Variants in CDC14A observed in about 807,000 individuals in gnomAD.
The protein encoded by CDC14A is dual specificity protein phosphatase CDC14A.
A neutral mutation model predicts 74.4 loss-of-function variants in CDC14A; 53 were observed. That is an observed-to-expected ratio of 0.71 (90% CI 0.57 to 0.89). The LOEUF (loss-of-function observed/expected upper bound fraction) is 0.89. CDC14A is among the 40% of genes least tolerant of loss of function. The pLI is 0.00. For synonymous variants in CDC14A, 247 were observed against 258.4 expected (o/e 0.96, Z 0.43); for missense variants, 646 against 713.7 (o/e 0.91, Z 1.08).
intron 15 of CDC14A, among the ~76,000 whole-genome samples, chr1:100,507,676 A>G (rs972405239): frequency 1.4e-5 from 2 of 146,398 alleles, no homozygotes; most frequent in African/African-American, 5.0e-5. Context: ...TAGCCCCACA[A>G]TTTTTTTTTT....
intron 10 of CDC14A, among the ~76,000 whole-genome samples, chr1:100,476,205 C>T (rs1234861695): frequency 1.3e-5 from 2 of 152,188 alleles, no homozygotes; most frequent in Non-Finnish European, 2.9e-5. Context: ...ATAATCCCAG[C>T]ATTTTAGGAG....
chr1:100,446,909 G>C (rs1046272728), intron 7 of CDC14A, among the ~76,000 whole-genome samples: 1 of 152,106 alleles, frequency 6.6e-6, no homozygotes, highest in African/African-American at 2.4e-5. Flanking sequence ...ATGTTGCCCA[G>C]GTTGGTCTCA....
chr1:100,415,870 C>T (rs912572631), intron 4 of CDC14A, among the ~76,000 whole-genome samples: 5 of 152,010 alleles, frequency 3.3e-5, no homozygotes, highest in Non-Finnish European at 7.4e-5. Flanking sequence ...ATAACTTTTT[C>T]CTATTTTTAA....
chr1:100,499,336 G>T, intron 15 of CDC14A, 74 bp downstream of exon 15: 1 of 1,613,918 alleles, frequency 6.2e-7, no homozygotes, highest in Non-Finnish European at 8.5e-7. Context: ...TCCCAGCCGA[G>T]GCTGCCACCA....
intron 15 of CDC14A, among the ~76,000 whole-genome samples, chr1:100,507,337 C>G (rs1649326203): frequency 6.6e-6 from 1 of 152,128 alleles, no homozygotes; most frequent in African/African-American, 2.4e-5. Context: ...CCTCTTTTTC[C>G]TGAAATTCTG....
At chr1:100,422,503 C>T (rs891059377) in intron 4 of CDC14A, among the ~76,000 whole-genome samples, 2 of 152,154 alleles carry the variant, frequency 1.3e-5, no homozygotes, top group Non-Finnish European at 2.9e-5. Context: ...TAACCTACCC[C>T]TTAGGGTACA....
chr1:100,485,390 A>G, intron 11 of CDC14A: 1 of 850,312 alleles, frequency 1.2e-6, no homozygotes, highest in Non-Finnish European at 1.4e-6. Context: ...AAAAGAAAAA[A>G]AGGACCTGTT....
intron 3 of CDC14A, among the ~76,000 whole-genome samples, chr1:100,385,936 G>A (rs974704597): frequency 6.6e-6 from 1 of 152,162 alleles, no homozygotes; most frequent in Admixed American, 6.5e-5. Context: ...AGAGGTCGGG[G>A]TGAGCAGATC....
intron 3 of CDC14A, among the ~76,000 whole-genome samples, chr1:100,382,875 G>A (rs112084275): frequency 0.019 from 2,967 of 152,338 alleles, 52 homozygotes; most frequent in African/African-American, 0.038. Context: ...CTTAGGGAAT[G>A]TCCTTGTTGC....
chr1:100,361,155 A>G lies in CDC14A; in HGVS notation c.140+7303A>G, dbSNP rs950373112. Among the ~76,000 whole-genome samples the G allele has an allele frequency of 3.9e-5, 6 of 152,318 alleles. No homozygotes were observed. In the South Asian group the frequency reaches 1.0e-3, roughly 26 times the overall value. Reference sequence around the variant, plus strand: ...CAAAAAAACTAAAAACTAAAACACAAGCCTCACAAAACTCTTGACACATTT... The same window carrying G: ...CAAAAAAACTAAAAACTAAAACACAGGCCTCACAAAACTCTTGACACATTT... On this transcript the variant is annotated intron_variant, in intron 2 of 15. Transcript: ENST00000336454.
At chr1:100,503,789 C>A (rs1648992586) in intron 15 of CDC14A, among the ~76,000 whole-genome samples, 1 of 152,194 alleles carries the variant, frequency 6.6e-6, no homozygotes, top group South Asian at 2.1e-4. Context: ...AAATGAGGGA[C>A]ATGTGATTAT....
At chr1:100,350,908 T>C (rs1451513957), upstream of CDC14A, among the ~76,000 whole-genome samples, 1 of 152,108 alleles carries the variant, frequency 6.6e-6, no homozygotes, top group Non-Finnish European at 1.5e-5. Flanking sequence ...ATAAAATAAT[T>C]TGAGGCCTGG....
chr1:100,441,374 C>T (rs985272868), intron 6 of CDC14A, among the ~76,000 whole-genome samples: 1 of 152,128 alleles, frequency 6.6e-6, no homozygotes, highest in Non-Finnish European at 1.5e-5. Context: ...CATAAGGCAC[C>T]ATATTCTGGG....
At chr1:100,518,213 A>G in intron 15 of CDC14A, 38 bp from the exon 16 acceptor site, 1 of 1,565,368 alleles carries the variant, frequency 6.4e-7, no homozygotes, top group Non-Finnish European at 8.8e-7. Context: ...TTTACATGTG[A>G]TGGAATTTAA....
At chr1:100,450,517 CT>C (rs1666029360) in intron 7 of CDC14A, among the ~76,000 whole-genome samples, 2 of 152,156 alleles carry the variant, frequency 1.3e-5, no homozygotes, top group Non-Finnish European at 2.9e-5. Flanking sequence ...AGTACGCCTC[CT>C]GTGGCAATTT....
chr1:100,474,571 G>A (rs192648795), intron 10 of CDC14A, among the ~76,000 whole-genome samples: 55 of 147,664 alleles, frequency 3.7e-4, no homozygotes, highest in African/African-American at 1.2e-3. Flanking sequence ...GAATTAGTCC[G>A]TTTCATCTAA....
intron 9 of CDC14A, among the ~76,000 whole-genome samples, chr1:100,466,890 A>AAAAAAAG (rs1553190651): frequency 1.3e-5 from 2 of 149,030 alleles, no homozygotes; most frequent in African/African-American, 5.1e-5. Context: ...AAAAAAAAAA[A>AAAAAAAG]GAAGGGTTAA....
chr1:100,505,840 C>T (rs915553286), intron 15 of CDC14A, among the ~76,000 whole-genome samples: 4 of 152,240 alleles, frequency 2.6e-5, no homozygotes, highest in Admixed American at 6.5e-5. Flanking sequence ...GTGGGCTGTA[C>T]GAGCATGGCA....
chr1:100,458,874 T>C (rs1286568125), intron 8 of CDC14A, among the ~76,000 whole-genome samples: 1 of 152,138 alleles, frequency 6.6e-6, no homozygotes, highest in African/African-American at 2.4e-5. Flanking sequence ...CTTAAGTGTG[T>C]GTTTGTGTCA....
Sources: allele counts gnomAD v4.1 joint callset (sites outside exome capture counted in the v4.1 genomes callset), GRCh38; gene constraint gnomAD v4.1.1; transcripts MANE v1.5; gene names NCBI Gene and HGNC (gene_info 2026-07-23, HGNC 2026-07-21).